Variants in AGO1 observed in about 807,000 individuals in gnomAD.
The protein encoded by AGO1 is argonaute RISC component 1, also known as protein argonaute-1.
Under a neutral mutation model 109.2 loss-of-function variants are expected in AGO1, and 11 were observed. That is an observed-to-expected ratio of 0.10 (90% CI 0.06 to 0.17). AGO1 has a LOEUF of 0.17. AGO1 is among the 10% of genes least tolerant of loss of function. The pLI is 1.00. For missense variants in AGO1, 574 were observed against 1,140.3 expected (o/e 0.50, Z 7.15); for synonymous variants, 422 against 418.6 (o/e 1.01, Z -0.10).
At chr1:35,913,522 C>G (rs1645679649) in intron 12 of AGO1, among the ~76,000 whole-genome samples, 1 of 152,128 alleles carries the variant, frequency 6.6e-6, no homozygotes, top group Admixed American at 6.5e-5. Context: ...CTCTCAAACT[C>G]CCCCTCTCCT....
intron 8 of AGO1, among the ~76,000 whole-genome samples, chr1:35,896,351 G>T (rs1270111357): frequency 6.6e-6 from 1 of 151,126 alleles, no homozygotes; most frequent in Non-Finnish European, 1.5e-5. Context: ...CGTTGGAGAA[G>T]CACTGTACTA....
At chr1:35,879,611 T>C (rs1571334615), upstream of AGO1, among the ~76,000 whole-genome samples, 2 of 151,734 alleles carry the variant, frequency 1.3e-5, no homozygotes, top group Non-Finnish European at 2.9e-5. Context: ...GGCATGTGCC[T>C]GTCACCCCAG....
At chr1:35,876,482 G>A (rs1414266060) in intron 1 of AGO1, among the ~76,000 whole-genome samples, 1 of 151,956 alleles carries the variant, frequency 6.6e-6, no homozygotes, top group Non-Finnish European at 1.5e-5. Context: ...TAGCCAGGAT[G>A]GTCTTGATCT....
chr1:35,902,353 T>C lies in AGO1; in HGVS notation c.1397+16T>C, dbSNP rs758306611. The stretch of plus-strand genomic sequence containing the variant: ...AGGTGCTCAAGTAAGGAGGGTTCGC[T>C]GTAGGGGTGGAAGGGTGGGAAGGAC... On this transcript the variant is annotated intron_variant, in intron 11 of 18. Transcript: ENST00000373204. The C allele has an allele frequency of 2.4e-5, 39 of 1,611,764 alleles. No individual in the cohort carries two copies. Among genetic ancestry groups the C allele is most frequent in the Non-Finnish European group, 2.9e-5 (34 of 1,178,806 alleles).
chr1:35,904,874 G>A (rs1237123943), intron 11 of AGO1, among the ~76,000 whole-genome samples: 1 of 152,070 alleles, frequency 6.6e-6, no homozygotes, highest in Non-Finnish European at 1.5e-5. Context: ...TGGGATCCAG[G>A]GCACTGAGAA....
Position 35,909,478 on chromosome 1 carries a change from T to C in AGO1, c.1582+2359T>C, listed in dbSNP as rs116445123. Among the ~76,000 whole-genome samples, 1,019 of 152,358 alleles carry C rather than the reference T, an allele frequency of 6.7e-3. 8 individuals are homozygous for C. The highest frequency in any genetic ancestry group is 0.023 in the African/African-American group (967 of 41,586). On this transcript the variant is annotated intron_variant, in intron 12 of 18. Transcript: ENST00000373204. ...CATTTCTTGTCTGTGGTTTTCAGTC[T>C]CTGGTGTTGTACACATCATTTGCCT...
intron 2 of AGO1, among the ~76,000 whole-genome samples, chr1:35,890,075 T>G (rs968971560): frequency 1.3e-4 from 20 of 152,006 alleles, no homozygotes; most frequent in African/African-American, 4.3e-4. Flanking sequence ...CAGGCTAGAG[T>G]GCAGTGGCGT....
intron 11 of AGO1, 70 bp from the exon 12 acceptor site, chr1:35,906,865 A>T: frequency 7.3e-7 from 1 of 1,371,610 alleles, no homozygotes; most frequent in Non-Finnish European, 1.0e-6. Flanking sequence ...AGCACCTAAG[A>T]TGGATGGATT....
intron 1 of AGO1, among the ~76,000 whole-genome samples, chr1:35,874,983 A>G (rs990015446): frequency 6.6e-6 from 1 of 152,242 alleles, no homozygotes; most frequent in East Asian, 1.9e-4. Flanking sequence ...GTTTGAAGCT[A>G]GTAGAGATTG....
At chr1:35,870,092 G>C (rs957251373) in intron 1 of AGO1, among the ~76,000 whole-genome samples, 6 of 151,512 alleles carry the variant, frequency 4.0e-5, no homozygotes, top group Middle Eastern at 6.8e-3. Context: ...GTGAACTCTA[G>C]AGGGAAAGGA....
chr1:35,889,954 A>G (rs567992811), intron 2 of AGO1, among the ~76,000 whole-genome samples: 3 of 150,902 alleles, frequency 2.0e-5, no homozygotes, highest in East Asian at 2.0e-4. Flanking sequence ...ACCTCAGATG[A>G]TCTGCCTACC....
chr1:35,915,276 C>G (rs995112241), intron 14 of AGO1, 72 bp from the exon 15 acceptor site: 1 of 1,423,310 alleles, frequency 7.0e-7, no homozygotes, highest in African/African-American at 1.4e-5. Context: ...GCTAAGAAGC[C>G]TTTCCACAAA....
intron 1 of AGO1, among the ~76,000 whole-genome samples, chr1:35,876,295 C>T (rs1317525735): frequency 6.8e-6 from 1 of 148,128 alleles, no homozygotes; most frequent in Non-Finnish European, 1.5e-5. Context: ...GAGACGGAGT[C>T]TCACTCTGTT....
chr1:35,895,191 T>C lies in AGO1; in HGVS notation c.942T>C (p.Tyr314=), dbSNP rs546553880. 16 of 1,614,090 alleles carry C rather than the reference T, an allele frequency of 9.9e-6. No individual in the cohort carries two copies. The highest frequency in any genetic ancestry group is 4.5e-5 in the East Asian group (2 of 44,880). ...TGGCACAGTATTTCAAGCAGAAATA[T>C]AACCTTCAGCTCAAGTATCCCCATC... ...CTVAQYFKQK[Y]NLQLKYPHLP... is the part of the protein sequence containing the mutation. Residue 314 remains tyrosine, a synonymous_variant, in exon 8 of 19, where the codon TAT becomes TAC. Coordinates refer to ENST00000373204, the MANE Select transcript of AGO1 (RefSeq NM_012199.5).
chr1:35,902,427 G>T, intron 11 of AGO1, 90 bp downstream of exon 11: 1 of 1,508,250 alleles, frequency 6.6e-7, no homozygotes, highest in East Asian at 2.3e-5. Flanking sequence ...ATATTGATCA[G>T]TAATGTGTTC....
intron 11 of AGO1, among the ~76,000 whole-genome samples, chr1:35,902,999 CTT>C (rs899277604): frequency 3.8e-4 from 41 of 108,774 alleles, no homozygotes; most frequent in Non-Finnish European, 3.1e-4. Flanking sequence ...CACCTGGAGT[CTT>C]TTTTTTTTTT....
Position 35,893,573 on chromosome 1 carries a change from C to A in AGO1, c.513-101C>A. On this transcript the variant is annotated intron_variant, in intron 4 of 18. Coordinates refer to ENST00000373204, the MANE Select transcript of AGO1 (RefSeq NM_012199.5). The surrounding 1 kb of genome is among the most constrained non-coding windows in gnomAD (Gnocchi z 5.6). ...AAGCATCAGAGCTGGCATTAAAGCC[C>A]CGGTGTCCTGCCTTTCAGGCCAGGG... The A allele has an allele frequency of 7.8e-7, 1 of 1,280,140 alleles. No individual in the cohort carries two copies. Among genetic ancestry groups the A allele is most frequent in the East Asian group, 2.5e-5 (1 of 40,080 alleles). The allele number at this position is 1,280,140 out of a possible 1,614,324, so 79.3% of individuals were successfully genotyped here. A position where few individuals can be genotyped will look rare whatever the true frequency, so the allele number is the denominator to read the frequency against.
intron 8 of AGO1, among the ~76,000 whole-genome samples, chr1:35,898,106 A>G (rs1238250394): frequency 6.6e-6 from 1 of 152,176 alleles, no homozygotes; most frequent in Non-Finnish European, 1.5e-5. Context: ...TAATTCATTT[A>G]TCAGTTAATG....
intron 1 of AGO1, among the ~76,000 whole-genome samples, chr1:35,872,028 C>T (rs1225983184): frequency 6.8e-6 from 1 of 147,698 alleles, no homozygotes; most frequent in Non-Finnish European, 1.5e-5. Flanking sequence ...CAAGATTGCA[C>T]CACTGCACTC....
Sources: gnomAD v4.1 joint callset for allele counts (sites outside exome capture counted in the v4.1 genomes callset) on GRCh38, gnomAD v4.1.1 for gene constraint, Gnocchi (gnomAD v3.1) non-coding constraint, MANE v1.5 for transcripts, NCBI Gene and HGNC (gene_info 2026-07-23, HGNC 2026-07-21) for gene names.